FYB1: variants seen among roughly 807,000 people sequenced by gnomAD.
The protein encoded by FYB1 is FYN binding protein 1.
A neutral mutation model predicts 94.1 loss-of-function variants in FYB1; 41 were observed. The observed-to-expected ratio is 0.44, with a 90% CI of 0.34 to 0.57. The LOEUF (loss-of-function observed/expected upper bound fraction) is 0.57, where lower values mean the gene tolerates loss of function less well. Among genes scored for constraint, FYB1 ranks in the 20% least tolerant of loss-of-function variants. The probability of loss-of-function intolerance (pLI) is 0.02; values close to 1 mark genes in which losing one functional copy is unlikely to be tolerated. For synonymous variants in FYB1, 367 were observed against 353.2 expected, an observed-to-expected ratio of 1.04 and a Z score of -0.44; for missense variants, 1,050 against 976.8, an observed-to-expected ratio of 1.07 and a Z score of -1.00.
chr5:39,198,633 G>A (rs1389657215), intron 2 of FYB1, among the ~76,000 whole-genome samples: 1 of 152,084 alleles, frequency 6.6e-6, no homozygotes, highest in Non-Finnish European at 1.5e-5. Context: ...ACATGAGATA[G>A]TCAACACTTT....
At chr5:39,139,526 T>C (rs1741969423) in intron 4 of FYB1, 1 of 204,568 alleles carries the variant, frequency 4.9e-6, no homozygotes, top group African/African-American at 2.3e-5. Flanking sequence ...TTATTACCTT[T>C]ATGAAAAGGG....
rs571060473 is a variant in FYB1, at chr5:39,229,987, AAATCAAGATCGGG to A, written c.-27-27013_-27-27001del. On this transcript the variant is annotated intron_variant, in intron 1 of 1. Transcript: ENST00000510188. ...GAGCTCTCAGATGATTCTAATGGGC[AAATCAAGATCGGG>A]AATCTCTGAACTACTTTATACTGTT... Among the ~76,000 whole-genome samples, 57 of 152,288 alleles carry A rather than the reference AAATCAAGATCGGG, an allele frequency of 3.7e-4. 1 individual carries two copies. The South Asian group carries it at 9.9e-3, about 27-fold the overall frequency.
intron 1 of FYB1, among the ~76,000 whole-genome samples, chr5:39,205,548 TCCTA>T (rs1201072597): frequency 6.6e-6 from 1 of 152,210 alleles, no homozygotes; most frequent in Non-Finnish European, 1.5e-5. Flanking sequence ...TTAAGTGGTA[TCCTA>T]CTTAGGTGGC....
chr5:39,119,024 T>C lies in FYB1; in HGVS notation c.2251A>G (p.Ile751Val). The change falls in exon 16 of 19, where the codon ATT (isoleucine) becomes GTT (valine). Residue 751 changes from isoleucine to valine, a missense_variant. Ile to Val is a conservative substitution (Grantham distance 29). Coordinates refer to ENST00000512982, the MANE Select transcript of FYB1 (RefSeq NM_001465.6). ...FRKKFKYDGE[I>V]RVLYSTKVTT... is the part of the protein sequence containing the mutation. ...ACTTTAGTTGAATATAGGACTCTAA[T>C]TTCACCATCATACTAAAAAAAAAAG... The C allele has an allele frequency of 7.2e-7, 1 of 1,386,094 alleles. No individual in the cohort carries two copies. The highest frequency in any genetic ancestry group is 9.7e-7 in the Non-Finnish European group (1 of 1,035,162). The allele number at this position is 1,386,094 out of a possible 1,614,324, so 85.9% of individuals were successfully genotyped here. A position where few individuals can be genotyped will look rare whatever the true frequency, so the allele number is the denominator to read the frequency against.
In FYB1 at chr5:39,105,712, A is replaced by G. The variant is rs923361135; in HGVS notation, c.*1731T>C. On this transcript the variant is annotated 3_prime_UTR_variant, in exon 19 of 19. Transcript: ENST00000512982. ...ATATATTTATTACCAAATTTAATAA[A>G]CAAAAACCACTTTTGAACCAGGTAA... 6.6e-6 allele frequency: 1 copy of G among 152,202 alleles called. No individual in the cohort carries two copies. The highest frequency in any genetic ancestry group is 2.4e-5 in the African/African-American group (1 of 41,434). The allele number at this position is 152,202 out of a possible 1,614,324, so 9.4% of individuals were successfully genotyped here. A position where few individuals can be genotyped will look rare whatever the true frequency, so the allele number is the denominator to read the frequency against.
At chr5:39,213,844 G>A (rs1425480126) in intron 1 of FYB1, among the ~76,000 whole-genome samples, 5 of 152,068 alleles carry the variant, frequency 3.3e-5, no homozygotes, top group Non-Finnish European at 2.9e-5. Flanking sequence ...GGTGATTATC[G>A]TTCATTTGGC....
At chr5:39,109,422 G>T (rs1021791734) in intron 17 of FYB1, among the ~76,000 whole-genome samples, 4 of 152,036 alleles carry the variant, frequency 2.6e-5, no homozygotes, top group African/African-American at 9.7e-5. Flanking sequence ...TGGAGATGTT[G>T]TCCTATTATT....
intron 14 of FYB1, 104 bp downstream of exon 14, chr5:39,122,232 A>T (rs1377167101): frequency 5.5e-6 from 4 of 725,510 alleles, no homozygotes; most frequent in Non-Finnish European, 9.7e-6. Context: ...AGCCAACAGG[A>T]TCGCACACAG....
chr5:39,125,340 A>G (rs1193793687), intron 12 of FYB1, among the ~76,000 whole-genome samples: 1 of 152,182 alleles, frequency 6.6e-6, no homozygotes, highest in Non-Finnish European at 1.5e-5. Flanking sequence ...TTTCAAATTC[A>G]TATGTATGGA....
At chr5:39,262,699 A>G (rs1009124858) in intron 1 of FYB1, among the ~76,000 whole-genome samples, 2 of 152,214 alleles carry the variant, frequency 1.3e-5, no homozygotes, top group African/African-American at 4.8e-5. Flanking sequence ...GAATACATGA[A>G]TAAATTACAA....
chr5:39,240,069 T>C (rs1406686650), intron 1 of FYB1, among the ~76,000 whole-genome samples: 1 of 152,090 alleles, frequency 6.6e-6, no homozygotes, highest in African/African-American at 2.4e-5. Context: ...TAACAAGCAA[T>C]GAGGAAAGGA....
chr5:39,153,057 A>G (rs891891999), intron 3 of FYB1, among the ~76,000 whole-genome samples: 3 of 152,204 alleles, frequency 2.0e-5, no homozygotes, highest in African/African-American at 7.2e-5. Flanking sequence ...AAGTCCTAGC[A>G]CCTCATAAGC....
At chr5:39,155,622 T>G (rs962315694) in intron 2 of FYB1, among the ~76,000 whole-genome samples, 14 of 152,206 alleles carry the variant, frequency 9.2e-5, no homozygotes, top group Non-Finnish European at 7.3e-5. Flanking sequence ...TTCCCTAATT[T>G]GAGAACAGAT....
At chr5:39,187,237 C>T (rs1746913718) in intron 2 of FYB1, among the ~76,000 whole-genome samples, 1 of 152,192 alleles carries the variant, frequency 6.6e-6, no homozygotes, top group South Asian at 2.1e-4. Flanking sequence ...CATTCATCCT[C>T]TTCTTTTATC....
chr5:39,154,304 C>A (rs1278692324), intron 2 of FYB1, among the ~76,000 whole-genome samples: 1 of 152,116 alleles, frequency 6.6e-6, no homozygotes. Flanking sequence ...CTCAATCCTC[C>A]ATCGACTTTC....
chr5:39,119,442 T>C, intron 15 of FYB1, 93 bp downstream of exon 15: 1 of 899,500 alleles, frequency 1.1e-6, no homozygotes, highest in Non-Finnish European at 1.6e-6. Flanking sequence ...TAAAAATCAT[T>C]GGATTTTTCA....
At position 39,169,170 on chromosome 5, in the gene FYB1, G is replaced by GA. The variant is rs1745014798; in HGVS notation, c.1136-15567dup. On this transcript the variant is annotated intron_variant, in intron 2 of 18. Transcript: ENST00000512982. ...GGCCTTCTTGCAGATCCCAAGTTTAGAAAAAGACAACTAATCATTGCAACA... is the reference window on the plus strand; with the variant it reads ...GGCCTTCTTGCAGATCCCAAGTTTAGAAAAAAGACAACTAATCATTGCAACA... 4 of 779,868 alleles carry GA rather than the reference G, an allele frequency of 5.1e-6. No individual in the cohort carries two copies. The Admixed American group carries it at 7.0e-5, about 14-fold the overall frequency. The allele number at this position is 779,868 out of a possible 1,614,324, so 48.3% of individuals were successfully genotyped here.
rs781337452 is a variant in FYB1, at chr5:39,202,116, T to C, written c.845A>G (p.Lys282Arg). 276 of 1,613,882 alleles carry C rather than the reference T, an allele frequency of 1.7e-4. No homozygotes were observed. Among genetic ancestry groups the C allele is most frequent in the Non-Finnish European group, 2.3e-4 (270 of 1,179,886 alleles). Reference sequence around the variant, plus strand: ...AGCATCTATCTTCCTATCTTCCTTTTTTTCTTCACCATTTTTGGAGAGACC... The same window carrying C: ...AGCATCTATCTTCCTATCTTCCTTTCTTTCTTCACCATTTTTGGAGAGACC... ...GPGLSKNGEE[K>R]KEDRKIDAAK... is the part of the protein sequence containing the mutation. The change falls in exon 2 of 19, where the codon AAA (lysine) becomes AGA (arginine). Residue 282 changes from lysine to arginine, a missense_variant. Transcript: ENST00000512982.
In FYB1 at chr5:39,248,537, A is replaced by G. The variant is rs1438405857; in HGVS notation, c.-28+25866T>C. On this transcript the variant is annotated intron_variant, in intron 1 of 1. Coordinates refer to the FYB1 transcript ENST00000510188. ...ACGTAATGCTAAGTGAAATAAGCCA[A>G]TCACAAAACAGCAAGTATTGGCCGG... Among the ~76,000 whole-genome samples, 4 of 152,252 alleles carry G rather than the reference A, an allele frequency of 2.6e-5. No individual in the cohort carries two copies. In the South Asian group the frequency reaches 8.3e-4, roughly 32 times the overall value.
Sources: gnomAD v4.1 joint callset for allele counts (sites outside exome capture counted in the v4.1 genomes callset) on GRCh38, gnomAD v4.1.1 for gene constraint, MANE v1.5 for transcripts, NCBI Gene and HGNC (gene_info 2026-07-23, HGNC 2026-07-21) for gene names.